ATRNL1: variants seen among roughly 807,000 people sequenced by gnomAD.
ATRNL1 encodes the protein attractin-like protein 1.
ATRNL1 carries 95 observed loss-of-function variants against 182.7 expected under a neutral mutation model. That is an observed-to-expected ratio of 0.52 (90% confidence interval 0.44 to 0.62). The LOEUF (loss-of-function observed/expected upper bound fraction) is 0.62, where lower values mean the gene tolerates loss of function less well. Ranked by LOEUF, ATRNL1 falls within the 20% of genes least tolerant of loss-of-function variation. The pLI, the probability that ATRNL1 is intolerant of heterozygous loss-of-function variation, is 0.00. For missense variants in ATRNL1, 1,471 were observed against 1,679.5 expected (o/e 0.88, Z 2.17); for synonymous variants, 576 against 568.3 (o/e 1.01, Z -0.19).
intron 26 of ATRNL1, among the ~76,000 whole-genome samples, chr10:115,596,726 A>T (rs1482245611): frequency 6.6e-6 from 1 of 152,144 alleles, no homozygotes; most frequent in East Asian, 1.9e-4. Context: ...GACTATGGGA[A>T]GTTTGTATGT....
At chr10:115,095,858 A>G (rs2084999000) in intron 1 of ATRNL1, among the ~76,000 whole-genome samples, 1 of 152,052 alleles carries the variant, frequency 6.6e-6, no homozygotes. Flanking sequence ...AGAGTGCCTG[A>G]TTTATATGTA....
intron 27 of ATRNL1, among the ~76,000 whole-genome samples, chr10:115,827,568 T>C (rs1400274057): frequency 6.6e-6 from 1 of 152,150 alleles, no homozygotes; most frequent in Non-Finnish European, 1.5e-5. Context: ...GACCACATCA[T>C]GAACACATTA....
chr10:115,536,304 C>G (rs1851992032), intron 25 of ATRNL1, among the ~76,000 whole-genome samples: 1 of 152,180 alleles, frequency 6.6e-6, no homozygotes, highest in Non-Finnish European at 1.5e-5. Flanking sequence ...CCTAAGCAAG[C>G]CTGGGCAATG....
At chr10:115,507,839 G>A (rs1850192261) in intron 24 of ATRNL1, among the ~76,000 whole-genome samples, 1 of 151,982 alleles carries the variant, frequency 6.6e-6, no homozygotes, top group African/African-American at 2.4e-5. Context: ...TCTAGAATAA[G>A]AGTTACCCAT....
At chr10:115,836,997 AAGC>A (rs1950689719) in intron 27 of ATRNL1, among the ~76,000 whole-genome samples, 1 of 152,144 alleles carries the variant, frequency 6.6e-6, no homozygotes, top group East Asian at 1.9e-4. Context: ...GGAGTTGGTA[AAGC>A]AGCATAAGTA....
chr10:115,484,700 A>C (rs1848936234), intron 24 of ATRNL1, among the ~76,000 whole-genome samples: 2 of 151,824 alleles, frequency 1.3e-5, no homozygotes, highest in East Asian at 3.9e-4. Context: ...TAATATGTGA[A>C]TTGCCTGTAG....
chr10:115,690,568 A>G (rs1205710700), intron 26 of ATRNL1, among the ~76,000 whole-genome samples: 1 of 152,122 alleles, frequency 6.6e-6, no homozygotes, highest in East Asian at 1.9e-4. Flanking sequence ...AGACCCCTGG[A>G]CCAGAGTACT....
chr10:115,658,177 G>A (rs1479189297), intron 26 of ATRNL1, among the ~76,000 whole-genome samples: 1 of 139,684 alleles, frequency 7.2e-6, no homozygotes, highest in Non-Finnish European at 1.5e-5. Flanking sequence ...CTCACTGCAA[G>A]CTCTGCCTCC....
chr10:115,203,459 G>T (rs573803036), intron 8 of ATRNL1, among the ~76,000 whole-genome samples: 230 of 152,064 alleles, frequency 1.5e-3, no homozygotes, highest in African/African-American at 5.4e-3. Flanking sequence ...TAGGAAATAA[G>T]CCCATGATCT....
chr10:115,758,598 C>T (rs947058907), intron 27 of ATRNL1, among the ~76,000 whole-genome samples: 8 of 152,208 alleles, frequency 5.3e-5, no homozygotes, highest in Non-Finnish European at 8.8e-5. Context: ...TCTGTATACA[C>T]GGGGGTGTCA....
chr10:115,569,095 T>C (rs1555002693), intron 26 of ATRNL1, among the ~76,000 whole-genome samples: 1 of 151,984 alleles, frequency 6.6e-6, no homozygotes, highest in Non-Finnish European at 1.5e-5. Flanking sequence ...GTTAGAAATA[T>C]TAGAATGTGA....
intron 1 of ATRNL1, among the ~76,000 whole-genome samples, chr10:115,097,269 A>T (rs2085037170): frequency 6.6e-6 from 1 of 151,944 alleles, no homozygotes; most frequent in South Asian, 2.1e-4. Flanking sequence ...GGATCCCTTG[A>T]GCCCAGAAGT....
intron 27 of ATRNL1, among the ~76,000 whole-genome samples, chr10:115,807,527 A>ATATT (rs1422525717): frequency 5.9e-5 from 9 of 152,212 alleles, no homozygotes; most frequent in African/African-American, 2.2e-4. Flanking sequence ...TGTTGAGAAA[A>ATATT]TATTTGGAAG....
chr10:115,478,741 T>TA (rs1364589554), intron 24 of ATRNL1, among the ~76,000 whole-genome samples: 4 of 151,662 alleles, frequency 2.6e-5, no homozygotes, highest in East Asian at 1.9e-4. Flanking sequence ...TGAATTAGGG[T>TA]AAAAAAATGG....
At chr10:115,865,731 G>A (rs909430744) in intron 28 of ATRNL1, among the ~76,000 whole-genome samples, 2 of 152,118 alleles carry the variant, frequency 1.3e-5, no homozygotes, top group Admixed American at 6.5e-5. Flanking sequence ...TTTAGAGCCA[G>A]GTCTGTGTGA....
chr10:115,206,334 A>C (rs1201139851), intron 8 of ATRNL1, among the ~76,000 whole-genome samples: 1 of 152,022 alleles, frequency 6.6e-6, no homozygotes, highest in Non-Finnish European at 1.5e-5. Flanking sequence ...AGGTTCCTGA[A>C]TCTTTAGGAC....
At chr10:115,835,195 GATTA>G (rs781997689) in intron 27 of ATRNL1, among the ~76,000 whole-genome samples, 1 of 152,188 alleles carries the variant, frequency 6.6e-6, no homozygotes, top group Non-Finnish European at 1.5e-5. Flanking sequence ...ACCTTGGTGA[GATTA>G]ATTAATTACT....
intron 9 of ATRNL1, among the ~76,000 whole-genome samples, chr10:115,226,771 G>A (rs781805552): frequency 2.0e-5 from 3 of 151,800 alleles, no homozygotes; most frequent in Non-Finnish European, 4.4e-5. Context: ...TGAACATAAC[G>A]CCACACACTT....
At chr10:115,471,649 A>G (rs968391062) in intron 24 of ATRNL1, among the ~76,000 whole-genome samples, 5 of 151,118 alleles carry the variant, frequency 3.3e-5, no homozygotes, top group Non-Finnish European at 5.9e-5. Context: ...TCTTCTGTGG[A>G]GAAATGTATA....
Sources: gnomAD v4.1 joint callset for allele counts (sites outside exome capture counted in the v4.1 genomes callset) on GRCh38, gnomAD v4.1.1 for gene constraint, MANE v1.5 for transcripts, NCBI Gene and HGNC (gene_info 2026-07-23, HGNC 2026-07-21) for gene names.